The following RSU1 variants were observed in gnomAD, a reference collection of about 807,000 sequenced individuals.
RSU1 encodes rsu-1.
In RSU1, 26 loss-of-function variants were observed where a neutral mutation model predicts 31.1. The observed-to-expected ratio is 0.84, with a 90% CI of 0.61 to 1.16. The LOEUF is 1.16. Ranked by LOEUF, RSU1 falls within the 50% of genes most tolerant of loss-of-function variation. RSU1 has a pLI of 0.00. For synonymous variants in RSU1, 164 were observed against 136.3 expected (o/e 1.20, Z -1.41); for missense variants, 320 against 339.1 (o/e 0.94, Z 0.44).
At chr10:16,718,102 A>AC (rs959712918) in intron 7 of RSU1, among the ~76,000 whole-genome samples, 1 of 150,914 alleles carries the variant, frequency 6.6e-6, no homozygotes, top group African/African-American at 2.4e-5. Context: ...TTATTTAAAA[A>AC]AAAAAAAAAA....
At chr10:16,797,416 A>C (rs1311389975) in intron 2 of RSU1, among the ~76,000 whole-genome samples, 1 of 152,256 alleles carries the variant, frequency 6.6e-6, no homozygotes, top group Admixed American at 6.5e-5. Context: ...AGAGCTCTGT[A>C]AAGTTAGAAA....
At chr10:16,594,787 ATAT>A (rs1833583392) in intron 8 of RSU1, among the ~76,000 whole-genome samples, 4 of 141,110 alleles carry the variant, frequency 2.8e-5, no homozygotes, top group Non-Finnish European at 6.0e-5. Context: ...ATATATATAT[ATAT>A]TTTTTTTTTT....
At chr10:16,670,656 C>T (rs1835088704) in intron 8 of RSU1, among the ~76,000 whole-genome samples, 1 of 152,182 alleles carries the variant, frequency 6.6e-6, no homozygotes, top group African/African-American at 2.4e-5. Context: ...CTCCCAAAAC[C>T]TCAAATTTAG....
At chr10:16,777,021 A>T (rs1261451893) in intron 3 of RSU1, among the ~76,000 whole-genome samples, 31 of 151,958 alleles carry the variant, frequency 2.0e-4, no homozygotes, top group Non-Finnish European at 4.4e-5. Context: ...TTGGAATAAA[A>T]TTTTTTTAAA....
intron 8 of RSU1, among the ~76,000 whole-genome samples, chr10:16,692,737 A>T (rs11254149): frequency 0.42 from 63,904 of 151,610 alleles, 13,729 homozygotes; most frequent in African/African-American, 0.51. Flanking sequence ...GTATTTTTTT[A>T]AAAAAAATTG....
intron 3 of RSU1, among the ~76,000 whole-genome samples, chr10:16,771,747 A>T (rs1180875156): frequency 6.6e-6 from 1 of 152,262 alleles, no homozygotes; most frequent in Non-Finnish European, 1.5e-5. Context: ...CTGTCTTCAC[A>T]GATTTTATGG....
chr10:16,690,462 G>A (rs1835524645), intron 8 of RSU1, among the ~76,000 whole-genome samples: 1 of 152,076 alleles, frequency 6.6e-6, no homozygotes, highest in Non-Finnish European at 1.5e-5. Flanking sequence ...TGCCCAGAAT[G>A]TTACTCCAAA....
chr10:16,756,924 G>A (rs1837098921), intron 4 of RSU1, among the ~76,000 whole-genome samples: 1 of 150,322 alleles, frequency 6.7e-6, no homozygotes, highest in African/African-American at 2.5e-5. Flanking sequence ...GAAGGACGTG[G>A]GGGGCTGTGT....
chr10:16,682,575 C>CACACACACACAT lies in RSU1; in HGVS notation c.731+12447_731+12448insATGTGTGTGTGT, dbSNP rs1408089127. On this transcript the variant is annotated intron_variant, in intron 8 of 8. Coordinates refer to ENST00000345264, the MANE Select transcript of RSU1 (RefSeq NM_012425.4). ...ACACACACACACACACACACACATG[C>CACACACACACAT]ATGCATGTTACCTAGGGTGGACATG... Among the ~76,000 whole-genome samples the CACACACACACAT allele has an allele frequency of 1.8e-4, 5 of 28,192 alleles. No homozygotes were observed. The East Asian group carries it at 4.7e-3, about 26-fold the overall frequency. The allele number at this position is 28,192 out of a possible 152,430, so 18.5% of individuals were successfully genotyped here. A position where few individuals can be genotyped will look rare whatever the true frequency, so the allele number is the denominator to read the frequency against.
rs1020243910 is a variant in RSU1, at chr10:16,679,644, C to T, written c.731+15379G>A. ...AGACAGACAAGGCAGCACACGTGGA[C>T]GTGAGGTGGAAAGCAGGTTGTATCT... is the stretch of plus-strand genomic sequence containing the variant. On this transcript the variant is annotated intron_variant, in intron 8 of 8. Transcript: ENST00000345264. 2.0e-5 allele frequency among the ~76,000 whole-genome samples: 3 copies of T among 152,074 alleles called. 1 individual carries two copies. Among genetic ancestry groups the T allele is most frequent in the South Asian group, 4.1e-4 (2 of 4,824 alleles).
intron 2 of RSU1, among the ~76,000 whole-genome samples, chr10:16,815,733 C>A (rs1838514462): frequency 6.6e-6 from 1 of 152,130 alleles, no homozygotes; most frequent in African/African-American, 2.4e-5. Context: ...AAGCAATACA[C>A]ACGACCACCT....
Position 16,783,363 on chromosome 10 carries a change from G to GTTTTTTTTTTTT in RSU1, c.110-1280_110-1279insAAAAAAAAAAAA, listed in dbSNP as rs1837698142. Among the ~76,000 whole-genome samples, 7 of 92,802 alleles carry GTTTTTTTTTTTT rather than the reference G, an allele frequency of 7.5e-5. No homozygotes were observed. The South Asian group carries it at 8.7e-4, about 11-fold the overall frequency. The allele number at this position is 92,802 out of a possible 152,430, so 60.9% of individuals were successfully genotyped here. A position where few individuals can be genotyped will look rare whatever the true frequency, so the allele number is the denominator to read the frequency against. On this transcript the variant is annotated intron_variant, in intron 2 of 8. Coordinates refer to ENST00000345264, the MANE Select transcript of RSU1 (RefSeq NM_012425.4). The stretch of plus-strand genomic sequence containing the variant: ...ATCACTTCTACTGACCACAACTTTT[G>GTTTTTTTTTTTT]CTTTTTTTTTTGAGACTGAGTCTCA...
At chr10:16,790,969 A>G (rs1837900996) in intron 2 of RSU1, among the ~76,000 whole-genome samples, 1 of 152,170 alleles carries the variant, frequency 6.6e-6, no homozygotes, top group Non-Finnish European at 1.5e-5. Context: ...ACCCAGCCTC[A>G]AGTAGTTCTT....
chr10:16,603,378 A>C (rs1219700113), intron 8 of RSU1, among the ~76,000 whole-genome samples: 2 of 152,234 alleles, frequency 1.3e-5, no homozygotes, highest in East Asian at 1.9e-4. Context: ...TCATGCAAAA[A>C]AGATGCTCAT....
At position 16,764,449 on chromosome 10, in the gene RSU1, T is replaced by C. The variant is rs776766409; in HGVS notation, c.222A>G (p.Gln74=). The C allele has an allele frequency of 1.2e-6, 2 of 1,614,030 alleles. No homozygotes were observed. Among genetic ancestry groups the C allele is most frequent in the Admixed American group, 1.7e-5 (1 of 59,996 alleles). ...TGATCTGTGTGGGCAGCTCCTCGAT[T>C]TGGTTATTAAAAAAGTTGAGCACCT... is the stretch of plus-strand genomic sequence containing the variant. ...NLEVLNFFNN[Q]IEELPTQISS... The change falls in exon 4 of 9, where the codon CAA becomes CAG. Residue 74 remains glutamine (Q), a synonymous_variant. Coordinates refer to ENST00000345264, the MANE Select transcript of RSU1 (RefSeq NM_012425.4).
intron 2 of RSU1, among the ~76,000 whole-genome samples, chr10:16,799,535 A>G (rs1838106691): frequency 1.3e-5 from 2 of 151,914 alleles, no homozygotes; most frequent in Non-Finnish European, 2.9e-5. Flanking sequence ...AAAAACAACA[A>G]CAAGTTCCTG....
chr10:16,600,165 T>G (rs1398230382), intron 8 of RSU1, among the ~76,000 whole-genome samples: 1 of 152,098 alleles, frequency 6.6e-6, no homozygotes, highest in Non-Finnish European at 1.5e-5. Context: ...ATGAGATGCC[T>G]GCGACGCTCT....
intron 7 of RSU1, among the ~76,000 whole-genome samples, chr10:16,704,497 A>G (rs1330618751): frequency 6.6e-6 from 1 of 152,238 alleles, no homozygotes; most frequent in East Asian, 1.9e-4. Context: ...TTTCCAGTAC[A>G]TGACACTTAA....
chr10:16,814,434 C>T (rs1185050773), intron 2 of RSU1, among the ~76,000 whole-genome samples: 3 of 126,212 alleles, frequency 2.4e-5, no homozygotes, highest in East Asian at 2.2e-4. Context: ...GGTGACAGAG[C>T]GAGACCCTGT....
Sources: gnomAD v4.1 joint callset for allele counts (sites outside exome capture counted in the v4.1 genomes callset) on GRCh38, gnomAD v4.1.1 for gene constraint, MANE v1.5 for transcripts, NCBI Gene and HGNC (gene_info 2026-07-23, HGNC 2026-07-21) for gene names.